The following MYO5C variants were observed in gnomAD, a reference collection of about 807,000 sequenced individuals.
The protein encoded by MYO5C is unconventional myosin-Vc.
A neutral mutation model predicts 235.7 loss-of-function variants in MYO5C; 194 were observed. The ratio of observed to expected loss-of-function variants is 0.82; its 90% confidence interval spans 0.73 to 0.93. The LOEUF (loss-of-function observed/expected upper bound fraction) is 0.93, where lower values mean the gene tolerates loss of function less well. Ranked by LOEUF, MYO5C falls within the 40% of genes least tolerant of loss-of-function variation. The pLI, the probability that MYO5C is intolerant of heterozygous loss-of-function variation, is 0.00. For synonymous variants in MYO5C, 707 were observed against 754.8 expected (o/e 0.94, Z 1.04); for missense variants, 2,038 against 2,127.2 (o/e 0.96, Z 0.82).
At chr15:52,257,530 G>A (rs2036609315) in intron 10 of MYO5C, among the ~76,000 whole-genome samples, 1 of 152,166 alleles carries the variant, frequency 6.6e-6, no homozygotes, top group African/African-American at 2.4e-5. Flanking sequence ...GCAAAACGTG[G>A]GCCGAACAAA....
intron 7 of MYO5C, among the ~76,000 whole-genome samples, chr15:52,270,061 A>T (rs1240515699): frequency 6.6e-6 from 1 of 152,182 alleles, no homozygotes; most frequent in Non-Finnish European, 1.5e-5. Context: ...AGCCTGAGGC[A>T]GGGGGCTTGC....
At position 52,282,412 on chromosome 15, in the gene MYO5C, A is replaced by C. The variant is rs547811552; in HGVS notation, c.138+370T>G. Reference sequence around the variant, plus strand: ...CCTTGGGCTCAAACGACTTCTCACCAAGTTTTTCATCTCTGCCCAATCTCT... The same window carrying C: ...CCTTGGGCTCAAACGACTTCTCACCCAGTTTTTCATCTCTGCCCAATCTCT... On this transcript the variant is annotated intron_variant, in intron 2 of 40. Transcript: ENST00000261839. 5.3e-5 allele frequency among the ~76,000 whole-genome samples: 8 copies of C among 152,234 alleles called. No homozygotes were observed. In the South Asian group the frequency reaches 1.5e-3, roughly 28 times the overall value.
At chr15:52,293,049 C>A (rs964598485) in intron 1 of MYO5C, among the ~76,000 whole-genome samples, 12 of 152,206 alleles carry the variant, frequency 7.9e-5, no homozygotes, top group African/African-American at 2.9e-4. Flanking sequence ...AATGCCAGAC[C>A]GGCTCTTCTT....
intron 3 of MYO5C, 148 bp downstream of exon 3, chr15:52,279,361 A>C: frequency 1.3e-6 from 1 of 741,322 alleles, no homozygotes; most frequent in South Asian, 2.3e-5. Context: ...GTCCAGTCTT[A>C]GTTCTTGTTG....
In MYO5C at chr15:52,225,550, C is replaced by T. The variant is rs762757146; in HGVS notation, c.3208-18G>A. 2.1e-4 allele frequency: 336 copies of T among 1,564,862 alleles called. No individual in the cohort carries two copies. The highest frequency in any genetic ancestry group is 2.7e-4 in the Non-Finnish European group (305 of 1,137,008). On this transcript the variant is annotated intron_variant, in intron 25 of 40. Coordinates refer to ENST00000261839, the MANE Select transcript of MYO5C (RefSeq NM_018728.4). Reference sequence around the variant, plus strand: ...GAGATTGTCTGAATCACAGCAATGACGGAATCAGGTAAAGAAAAAACAACG... The same window carrying T: ...GAGATTGTCTGAATCACAGCAATGATGGAATCAGGTAAAGAAAAAACAACG...
At chr15:52,281,136 A>T (rs2037155079) in intron 2 of MYO5C, among the ~76,000 whole-genome samples, 2 of 152,102 alleles carry the variant, frequency 1.3e-5, no homozygotes, top group South Asian at 4.1e-4. Flanking sequence ...CACAACCCCC[A>T]CTTCTGGTTT....
At chr15:52,211,699 A>G (rs776224583) in intron 35 of MYO5C, 31 bp downstream of exon 35, 2 of 1,606,104 alleles carry the variant, frequency 1.2e-6, no homozygotes, top group South Asian at 2.2e-5. Flanking sequence ...TAGATGTGAT[A>G]CCAGGGGCCA....
At chr15:52,273,602 T>C (rs2036973319) in intron 5 of MYO5C, among the ~76,000 whole-genome samples, 1 of 152,138 alleles carries the variant, frequency 6.6e-6, no homozygotes, top group East Asian at 1.9e-4. Context: ...AAGGGTACCG[T>C]GAGAAGACAG....
At chr15:52,226,993 C>G (rs2035838434) in intron 25 of MYO5C, among the ~76,000 whole-genome samples, 2 of 149,904 alleles carry the variant, frequency 1.3e-5, no homozygotes, top group African/African-American at 4.9e-5. Flanking sequence ...ACTAAAAATA[C>G]AAAAAAAAAT....
chr15:52,276,726 A>G (rs1238038765), intron 4 of MYO5C, among the ~76,000 whole-genome samples: 6 of 152,222 alleles, frequency 3.9e-5, no homozygotes, highest in Admixed American at 3.9e-4. Flanking sequence ...CATTATTTTG[A>G]GAGCAATTAT....
At chr15:52,198,691 C>T (rs1056373572) in intron 38 of MYO5C, among the ~76,000 whole-genome samples, 2 of 151,842 alleles carry the variant, frequency 1.3e-5, no homozygotes, top group Non-Finnish European at 2.9e-5. Flanking sequence ...AAGAGATTCT[C>T]CTGCTTCAGC....
rs538710138 is a variant in MYO5C, at chr15:52,261,949, A to G, written c.1048-822T>C. 5.9e-5 allele frequency among the ~76,000 whole-genome samples: 9 copies of G among 152,304 alleles called. No homozygotes were observed. The South Asian group carries it at 1.9e-3, about 32-fold the overall frequency. On this transcript the variant is annotated intron_variant, in intron 9 of 40. Coordinates refer to ENST00000261839, the MANE Select transcript of MYO5C (RefSeq NM_018728.4). ...GCCTCAGGACACAGTGTAGGAAGCC[A>G]TGGAAACAGTCCTGCCCCTCCCTGC...
chr15:52,270,585 T>C (rs1333558624), intron 7 of MYO5C, among the ~76,000 whole-genome samples: 1 of 151,428 alleles, frequency 6.6e-6, no homozygotes, highest in African/African-American at 2.4e-5. Flanking sequence ...TCTCTACATA[T>C]ATATGTATAT....
intron 1 of MYO5C, among the ~76,000 whole-genome samples, chr15:52,293,516 T>C (rs2037437692): frequency 6.6e-6 from 1 of 152,136 alleles, no homozygotes; most frequent in Admixed American, 6.5e-5. Context: ...ACTTGCCTGA[T>C]GACTTTCTTA....
intron 1 of MYO5C, among the ~76,000 whole-genome samples, chr15:52,287,221 C>A (rs960619857): frequency 2.0e-5 from 3 of 152,184 alleles, no homozygotes; most frequent in African/African-American, 4.8e-5. Flanking sequence ...TTTGAGAGAA[C>A]GAGAATGGAA....
chr15:52,217,736 C>A (rs2035587386), intron 32 of MYO5C, among the ~76,000 whole-genome samples: 1 of 152,206 alleles, frequency 6.6e-6, no homozygotes, highest in Non-Finnish European at 1.5e-5. Context: ...TGTTTTTCCT[C>A]TATCAAGGTT....
chr15:52,280,268 G>T (rs1018926780), intron 2 of MYO5C, among the ~76,000 whole-genome samples: 11 of 152,176 alleles, frequency 7.2e-5, no homozygotes, highest in Non-Finnish European at 1.5e-4. Context: ...GTCTGCAGTT[G>T]CCCACATGCC....
At chr15:52,272,445 C>G in intron 6 of MYO5C, 135 bp downstream of exon 6, 1 of 818,136 alleles carries the variant, frequency 1.2e-6, no homozygotes, top group Non-Finnish European at 1.9e-6. Context: ...AAAAAAGAAT[C>G]CAAACTGCAA....
At chr15:52,280,784 C>T (rs7175545) in intron 2 of MYO5C, among the ~76,000 whole-genome samples, 8,513 of 152,284 alleles carry the variant, frequency 0.056, 465 homozygotes, top group African/African-American at 0.14. Flanking sequence ...AGAAAGTCAA[C>T]GAGACAGGTT....
Sources: gnomAD v4.1 joint callset for allele counts (sites outside exome capture counted in the v4.1 genomes callset) on GRCh38, gnomAD v4.1.1 for gene constraint, MANE v1.5 for transcripts, NCBI Gene and HGNC (gene_info 2026-07-23, HGNC 2026-07-21) for gene names.